TMEM132B: variants seen among roughly 807,000 people sequenced by gnomAD.
TMEM132B encodes the protein transmembrane protein 132B.
Under a neutral mutation model 90.8 loss-of-function variants are expected in TMEM132B, and 18 were observed. That is an observed-to-expected ratio of 0.20 (90% CI 0.14 to 0.29). TMEM132B has a LOEUF of 0.29. Ranked by LOEUF, TMEM132B falls within the 10% of genes least tolerant of loss-of-function variation. The pLI is 1.00. For synonymous variants in TMEM132B, 504 were observed against 523.3 expected (o/e 0.96, Z 0.50); for missense variants, 1,096 against 1,326.8 (o/e 0.83, Z 2.70).
intron 1 of TMEM132B, among the ~76,000 whole-genome samples, chr12:125,324,020 A>AAC (rs1191399425): frequency 3.3e-5 from 5 of 151,982 alleles, no homozygotes; most frequent in African/African-American, 1.2e-4. Flanking sequence ...TTTCCTTAGA[A>AAC]ACACACACAT....
At chr12:125,242,100 C>T (rs1874084032) in intron 1 of TMEM132B, among the ~76,000 whole-genome samples, 2 of 152,166 alleles carry the variant, frequency 1.3e-5, no homozygotes, top group Non-Finnish European at 2.9e-5. Flanking sequence ...CATAGGAGAG[C>T]TCCCTTTTTA....
rs566101496 is a variant in TMEM132B at position 125,490,556 on chromosome 12, C to T, written c.1107-28883C>T. ...TCAGCTCACTGCAAGCTCTGCCTCC[C>T]GGGTTCACACCATTCTCCTGCCTTA... On this transcript the variant is annotated intron_variant, in intron 3 of 8. Transcript: ENST00000682704. The surrounding 1 kb of genome is among the most constrained non-coding windows in gnomAD (Gnocchi z 4.2). 8.5e-5 allele frequency among the ~76,000 whole-genome samples: 13 copies of T among 152,190 alleles called. No homozygotes were observed. The East Asian group carries it at 2.1e-3, about 25-fold the overall frequency.
chr12:125,368,470 A>G (rs1429657510), intron 2 of TMEM132B, among the ~76,000 whole-genome samples: 1 of 152,202 alleles, frequency 6.6e-6, no homozygotes, highest in Non-Finnish European at 1.5e-5. Context: ...ACTATGTGAT[A>G]TTATGTACAC....
At position 125,199,142 on chromosome 12, in the gene TMEM132B, T is replaced by C. The variant is rs534740076; in HGVS notation, c.67+12276T>C. Among the ~76,000 whole-genome samples the C allele has an allele frequency of 1.3e-4, 20 of 152,368 alleles. No homozygotes were observed. The East Asian group carries it at 3.9e-3, about 29-fold the overall frequency. ...GTGATGGAGTTTGGCTCTTAATCAC[T>C]GCTGTTTGCTGCCCCTGAAACTGGC... On this transcript the variant is annotated intron_variant, in intron 1 of 8. Transcript: ENST00000682704.
intron 3 of TMEM132B, among the ~76,000 whole-genome samples, chr12:125,505,195 A>AAAAAAAAAAAAAAAAAAAAAC (rs1183847146): frequency 6.8e-6 from 1 of 147,896 alleles, no homozygotes; most frequent in African/African-American, 2.5e-5. Context: ...AAAAAAAAAA[A>AAAAAAAAAAAAAAAAAAAAAC]CAGTAAGTGG....
At chr12:125,526,078 A>G (rs530410104) in intron 4 of TMEM132B, among the ~76,000 whole-genome samples, 68 of 152,298 alleles carry the variant, frequency 4.5e-4, no homozygotes, top group Middle Eastern at 6.8e-3. Flanking sequence ...CTGGGATGGC[A>G]GAGCAGAGAC....
At chr12:125,202,221 G>T (rs934492022) in intron 1 of TMEM132B, among the ~76,000 whole-genome samples, 1 of 152,236 alleles carries the variant, frequency 6.6e-6, no homozygotes, top group African/African-American at 2.4e-5. Context: ...TTCCTTTTCT[G>T]TTGCAGATGC....
At chr12:125,568,104 C>G (rs770699583) in intron 4 of TMEM132B, among the ~76,000 whole-genome samples, 9 of 152,168 alleles carry the variant, frequency 5.9e-5, no homozygotes, top group Non-Finnish European at 1.2e-4. Context: ...ATCTCATTCT[C>G]TCTGTCTAGC....
At chr12:125,302,983 G>C (rs1043601625) in intron 1 of TMEM132B, among the ~76,000 whole-genome samples, 5 of 151,988 alleles carry the variant, frequency 3.3e-5, no homozygotes, top group Admixed American at 1.3e-4. Flanking sequence ...TGTAATCCCA[G>C]CTACTCAGGA....
intron 4 of TMEM132B, among the ~76,000 whole-genome samples, chr12:125,522,943 A>G (rs1026833627): frequency 9.2e-5 from 14 of 152,336 alleles, no homozygotes; most frequent in African/African-American, 3.4e-4. Flanking sequence ...CTGAGAGGCC[A>G]TGAATCGATA....
intron 1 of TMEM132B, among the ~76,000 whole-genome samples, chr12:125,198,887 G>C (rs550504234): frequency 6.6e-6 from 1 of 152,124 alleles, no homozygotes; most frequent in Non-Finnish European, 1.5e-5. Flanking sequence ...AAGCTCCTCC[G>C]GCTTCTTTAT....
chr12:125,236,793 C>T (rs1363150857), intron 1 of TMEM132B, among the ~76,000 whole-genome samples: 3 of 152,254 alleles, frequency 2.0e-5, no homozygotes, highest in African/African-American at 4.8e-5. Flanking sequence ...GCTCTTTGCC[C>T]TTAGGGCCTT....
At chr12:125,523,405 C>G (rs1284155507) in intron 4 of TMEM132B, among the ~76,000 whole-genome samples, 1 of 152,026 alleles carries the variant, frequency 6.6e-6, no homozygotes, top group Admixed American at 6.6e-5. Flanking sequence ...CATTGTATCA[C>G]CTTCTCTGAG....
intron 2 of TMEM132B, among the ~76,000 whole-genome samples, chr12:125,384,726 C>T (rs1441932143): frequency 2.0e-5 from 3 of 152,176 alleles, no homozygotes; most frequent in Admixed American, 6.5e-5. Flanking sequence ...TCTCGGCTCA[C>T]TGCAACCTCT....
intron 1 of TMEM132B, among the ~76,000 whole-genome samples, chr12:125,297,714 A>G (rs1875707057): frequency 1.3e-5 from 2 of 152,186 alleles, no homozygotes; most frequent in African/African-American, 4.8e-5. Context: ...CTGGTGCTCT[A>G]GACCTCCACC....
chr12:125,568,974 G>A (rs576449628), intron 4 of TMEM132B, among the ~76,000 whole-genome samples: 3 of 152,260 alleles, frequency 2.0e-5, no homozygotes, highest in African/African-American at 7.2e-5. Context: ...CTGGGGCAGC[G>A]GTCAAGAGCA....
chr12:125,255,289 C>CTCTCTCTCTCTCACCCCCCCTCCTCTCT (rs1482196119), intron 1 of TMEM132B, among the ~76,000 whole-genome samples: 1 of 151,756 alleles, frequency 6.6e-6, no homozygotes, highest in Non-Finnish European at 1.5e-5. Flanking sequence ...CTTTCTTTCT[C>CTCTCTCTCTCTCACCCCCCCTCCTCTCT]TCTCTCTCTC....
chr12:125,516,682 A>C (rs1386328151), intron 3 of TMEM132B, among the ~76,000 whole-genome samples: 1 of 152,184 alleles, frequency 6.6e-6, no homozygotes, highest in Non-Finnish European at 1.5e-5. Flanking sequence ...CCAGAGTATG[A>C]ATCTAGCAGG....
intron 3 of TMEM132B, among the ~76,000 whole-genome samples, chr12:125,421,648 G>A (rs1253351840): frequency 6.6e-6 from 1 of 152,168 alleles, no homozygotes; most frequent in East Asian, 1.9e-4. Context: ...CAATCTTTCA[G>A]GAGTTTTTCA....
Sources: gnomAD v4.1 joint callset for allele counts (sites outside exome capture counted in the v4.1 genomes callset) on GRCh38, gnomAD v4.1.1 for gene constraint, Gnocchi (gnomAD v3.1) non-coding constraint, MANE v1.5 for transcripts, NCBI Gene and HGNC (gene_info 2026-07-23, HGNC 2026-07-21) for gene names.